ROBO1: variants seen among roughly 807,000 people sequenced by gnomAD.
ROBO1 encodes roundabout homolog 1.
In ROBO1, 149 loss-of-function variants were observed where a neutral mutation model predicts 195.9. That is an observed-to-expected ratio of 0.76 (90% CI 0.67 to 0.87). ROBO1 has a LOEUF of 0.87. ROBO1 is among the 40% of genes least tolerant of loss of function. The pLI is 0.00. For synonymous variants in ROBO1, 816 were observed against 733.2 expected, an observed-to-expected ratio of 1.11 and a Z score of -1.82; for missense variants, 1,933 against 2,068.3, an observed-to-expected ratio of 0.93 and a Z score of 1.27.
At chr3:79,630,933 T>G (rs1945321741) in intron 1 of ROBO1, among the ~76,000 whole-genome samples, 1 of 151,810 alleles carries the variant, frequency 6.6e-6, no homozygotes, top group South Asian at 2.1e-4. Context: ...ATGAGAGATC[T>G]CTGCAAGGAA....
intron 4 of ROBO1, among the ~76,000 whole-genome samples, chr3:78,897,284 T>C (rs898991731): frequency 6.6e-6 from 1 of 152,202 alleles, no homozygotes; most frequent in South Asian, 2.1e-4. Context: ...AACACAAGCA[T>C]CAGTATTTTT....
At chr3:79,684,527 G>A (rs754467434) in intron 1 of ROBO1, among the ~76,000 whole-genome samples, 30 of 151,782 alleles carry the variant, frequency 2.0e-4, no homozygotes, top group East Asian at 3.9e-4. Flanking sequence ...AAGTATTTGC[G>A]CAGTAAGTTC....
At chr3:79,305,225 G>A (rs914999775) in intron 2 of ROBO1, among the ~76,000 whole-genome samples, 3 of 152,014 alleles carry the variant, frequency 2.0e-5, no homozygotes, top group African/African-American at 4.8e-5. Flanking sequence ...GGTAGCTCAC[G>A]CCTGTAATCC....
intron 8 of ROBO1, among the ~76,000 whole-genome samples, chr3:78,698,215 C>A (rs2081344396): frequency 6.6e-6 from 1 of 152,124 alleles, no homozygotes; most frequent in Admixed American, 6.5e-5. Context: ...CCCAAATTCT[C>A]AAGTAGTAAA....
At chr3:79,408,478 A>G (rs77936932) in intron 2 of ROBO1, among the ~76,000 whole-genome samples, 10,109 of 152,090 alleles carry the variant, frequency 0.066, 402 homozygotes, top group East Asian at 0.14. Flanking sequence ...CTTGGAGTTT[A>G]TATTTTATTG....
intron 4 of ROBO1, among the ~76,000 whole-genome samples, chr3:78,914,030 G>A (rs1045995222): frequency 6.6e-6 from 1 of 152,034 alleles, no homozygotes; most frequent in Non-Finnish European, 1.5e-5. Context: ...CTTATCTGAG[G>A]GCAAGGGAAA....
At chr3:79,718,550 T>A (rs979996602) in intron 1 of ROBO1, among the ~76,000 whole-genome samples, 5 of 152,010 alleles carry the variant, frequency 3.3e-5, no homozygotes, top group African/African-American at 1.2e-4. Flanking sequence ...AGTGTTATAA[T>A]CATCTGTTGG....
chr3:78,633,781 T>C (rs1369657948), intron 24 of ROBO1, 154 bp downstream of exon 24: 17 of 446,354 alleles, frequency 3.8e-5, no homozygotes, highest in Non-Finnish European at 5.7e-5. Flanking sequence ...GGAAAGTCCC[T>C]CAAATTGCAG....
intron 2 of ROBO1, among the ~76,000 whole-genome samples, chr3:79,272,334 C>G (rs1399712969): frequency 6.6e-6 from 1 of 151,960 alleles, no homozygotes; most frequent in Admixed American, 6.6e-5. Context: ...AAACCTAACA[C>G]AGCTGGGAGA....
intron 4 of ROBO1, among the ~76,000 whole-genome samples, chr3:78,790,171 C>G (rs1381319528): frequency 6.6e-6 from 1 of 152,032 alleles, no homozygotes; most frequent in Non-Finnish European, 1.5e-5. Flanking sequence ...CTTCTTATAC[C>G]TGGTGTCAGG....
intron 3 of ROBO1, among the ~76,000 whole-genome samples, chr3:79,107,137 A>T (rs1259584431): frequency 6.7e-6 from 1 of 150,332 alleles, no homozygotes; most frequent in African/African-American, 2.5e-5. Flanking sequence ...TCACACACAC[A>T]CACACACACA....
intron 2 of ROBO1, among the ~76,000 whole-genome samples, chr3:79,333,736 C>G (rs752567768): frequency 6.6e-6 from 1 of 152,184 alleles, no homozygotes; most frequent in Non-Finnish European, 1.5e-5. Flanking sequence ...TTAAGCCCCT[C>G]TTACAGACTC....
intron 2 of ROBO1, among the ~76,000 whole-genome samples, chr3:79,203,830 G>T (rs565926668): frequency 6.6e-6 from 1 of 152,172 alleles, no homozygotes. Flanking sequence ...TAACATCATC[G>T]GTGGTGTGAA....
intron 2 of ROBO1, among the ~76,000 whole-genome samples, chr3:79,369,812 C>T (rs1373629889): frequency 3.3e-5 from 5 of 151,922 alleles, no homozygotes; most frequent in East Asian, 1.9e-4. Context: ...GCCTTAAGTA[C>T]GTTCAAGTAA....
In ROBO1 at chr3:79,417,922, G is replaced by A. The variant is rs552144678; in HGVS notation, c.88+171902C>T. ...CTATGCGTGTTTAAGTTATAGTTCTGGTTTTAGAATGTATCACGACCAGAT... is the reference window on the plus strand; with the variant it reads ...CTATGCGTGTTTAAGTTATAGTTCTAGTTTTAGAATGTATCACGACCAGAT... On this transcript the variant is annotated intron_variant, in intron 2 of 30. Coordinates refer to ENST00000464233, the MANE Select transcript of ROBO1 (RefSeq NM_002941.4). Among the ~76,000 whole-genome samples, 10 of 152,136 alleles carry A rather than the reference G, an allele frequency of 6.6e-5. No individual in the cohort carries two copies. In the South Asian group the frequency reaches 1.9e-3, roughly 28 times the overall value.
intron 8 of ROBO1, among the ~76,000 whole-genome samples, chr3:78,698,759 C>A (rs1236793117): frequency 6.6e-6 from 1 of 152,162 alleles, no homozygotes; most frequent in African/African-American, 2.4e-5. Flanking sequence ...AGAATACTAA[C>A]ATATATTTAT....
At chr3:79,382,261 G>A (rs1011436747) in intron 2 of ROBO1, among the ~76,000 whole-genome samples, 11 of 152,074 alleles carry the variant, frequency 7.2e-5, no homozygotes, top group African/African-American at 2.7e-4. Flanking sequence ...TTTAAAAAGT[G>A]CACTTAATTT....
At chr3:78,938,065 AC>A (rs1223022551) in intron 4 of ROBO1, 1 of 154,076 alleles carries the variant, frequency 6.5e-6, no homozygotes, top group Admixed American at 6.4e-5. Flanking sequence ...TGATCCCACT[AC>A]TGATCAGCAT....
chr3:79,544,205 A>G (rs1942180073), intron 2 of ROBO1, among the ~76,000 whole-genome samples: 1 of 151,962 alleles, frequency 6.6e-6, no homozygotes, highest in South Asian at 2.1e-4. Flanking sequence ...ATATAAAGAG[A>G]TGTTTTCATT....
Sources: allele counts gnomAD v4.1 joint callset (sites outside exome capture counted in the v4.1 genomes callset), GRCh38; gene constraint gnomAD v4.1.1; transcripts MANE v1.5; gene names NCBI Gene and HGNC (gene_info 2026-07-23, HGNC 2026-07-21).